CALCRL: variants seen among roughly 807,000 people sequenced by gnomAD.
The protein encoded by CALCRL is calcitonin receptor like receptor, also known as calcitonin gene-related peptide type 1 receptor.
A neutral mutation model predicts 60.4 loss-of-function variants in CALCRL; 27 were observed. The ratio of observed to expected loss-of-function variants is 0.45; its 90% confidence interval spans 0.33 to 0.62. The LOEUF (loss-of-function observed/expected upper bound fraction) is 0.62, where lower values mean the gene tolerates loss of function less well. Among genes scored for constraint, CALCRL ranks in the 20% least tolerant of loss-of-function variants. The pLI is 0.03. For missense variants in CALCRL, 424 were observed against 540.7 expected, an observed-to-expected ratio of 0.78 and a Z score of 2.14; for synonymous variants, 190 against 182.6, an observed-to-expected ratio of 1.04 and a Z score of -0.33.
At chr2:187,348,970 A>G (rs970670963) in intron 14 of CALCRL, among the ~76,000 whole-genome samples, 2 of 151,688 alleles carry the variant, frequency 1.3e-5, no homozygotes, top group Admixed American at 6.6e-5. Flanking sequence ...AAATGTTTAG[A>G]ATGTAACATT....
chr2:187,390,808 G>C (rs1350249702), intron 1 of CALCRL, among the ~76,000 whole-genome samples: 1 of 152,068 alleles, frequency 6.6e-6, no homozygotes, highest in Non-Finnish European at 1.5e-5. Context: ...TATGGCCCCT[G>C]GGTTTGTCAA....
chr2:187,370,364 T>C (rs1335541189), intron 8 of CALCRL, among the ~76,000 whole-genome samples: 2 of 152,162 alleles, frequency 1.3e-5, no homozygotes, highest in African/African-American at 4.8e-5. Flanking sequence ...AAAAATGTTA[T>C]TTATTTCTAT....
At chr2:187,379,304 T>C (rs923377926) in intron 7 of CALCRL, among the ~76,000 whole-genome samples, 11 of 152,076 alleles carry the variant, frequency 7.2e-5, no homozygotes, top group Non-Finnish European at 1.6e-4. Flanking sequence ...AAATATTAAA[T>C]CTATGAGGCA....
intron 8 of CALCRL, among the ~76,000 whole-genome samples, chr2:187,374,488 G>A (rs575156792): frequency 7.4e-4 from 112 of 152,082 alleles, no homozygotes; most frequent in Non-Finnish European, 1.4e-3. Flanking sequence ...CACTGCTTAT[G>A]GCTTATAATT....
intron 8 of CALCRL, among the ~76,000 whole-genome samples, chr2:187,376,432 G>A (rs1298113158): frequency 6.6e-6 from 1 of 152,002 alleles, no homozygotes; most frequent in Non-Finnish European, 1.5e-5. Context: ...TTCTTCACTT[G>A]ATAAGCTAAT....
intron 1 of CALCRL, chr2:187,415,650 CA>C: frequency 1.6e-6 from 1 of 618,610 alleles, no homozygotes; most frequent in South Asian, 1.6e-5. Flanking sequence ...AGGGCCCCCT[CA>C]AGGACATTCT....
At position 187,389,291 on chromosome 2, in the gene CALCRL, G is replaced by A. The variant is rs367594146; in HGVS notation, c.-292-1535C>T. Among the ~76,000 whole-genome samples the A allele has an allele frequency of 8.6e-5, 13 of 151,796 alleles. No homozygotes were observed. In the East Asian group the frequency reaches 2.3e-3, roughly 27 times the overall value. ...TTTCACCATGTTGGCCAGGCTGGTC[G>A]CAAACTCCTGAGCTCAGGTGATCCA... On this transcript the variant is annotated intron_variant, in intron 1 of 14. Coordinates refer to ENST00000392370, the MANE Select transcript of CALCRL (RefSeq NM_005795.6).
At chr2:187,443,171 CT>C (rs1691003977) in intron 1 of CALCRL, among the ~76,000 whole-genome samples, 1 of 151,750 alleles carries the variant, frequency 6.6e-6, no homozygotes, top group African/African-American at 2.4e-5. Flanking sequence ...ACTGTAACAA[CT>C]GTAATTATAA....
intron 1 of CALCRL, among the ~76,000 whole-genome samples, chr2:187,443,792 C>T (rs968916130): frequency 6.6e-6 from 1 of 151,538 alleles, no homozygotes; most frequent in Non-Finnish European, 1.5e-5. Context: ...ATTTATTGCT[C>T]TCTGATACTT....
At chr2:187,386,631 T>G (rs1369442923) in intron 3 of CALCRL, among the ~76,000 whole-genome samples, 1 of 152,064 alleles carries the variant, frequency 6.6e-6, no homozygotes, top group Non-Finnish European at 1.5e-5. Context: ...TGCTGGAGTG[T>G]TTTTCCAAAT....
chr2:187,411,978 C>CA (rs56075258), intron 1 of CALCRL, among the ~76,000 whole-genome samples: 17,529 of 60,700 alleles, frequency 0.29, 2,528 homozygotes, highest in East Asian at 0.41. Context: ...GACTCTGTCT[C>CA]AAAAAAAAAA....
At chr2:187,443,480 G>A (rs1691023314) in intron 1 of CALCRL, among the ~76,000 whole-genome samples, 1 of 151,708 alleles carries the variant, frequency 6.6e-6, no homozygotes, top group Non-Finnish European at 1.5e-5. Context: ...GGGTTCTTAT[G>A]TGGATGATCT....
At chr2:187,386,043 T>C (rs1274703165) in intron 3 of CALCRL, among the ~76,000 whole-genome samples, 1 of 152,058 alleles carries the variant, frequency 6.6e-6, no homozygotes, top group Non-Finnish European at 1.5e-5. Context: ...GTGTCAAATG[T>C]TTAAGAACAT....
chr2:187,375,065 G>A (rs1249767254), intron 8 of CALCRL, among the ~76,000 whole-genome samples: 2 of 151,634 alleles, frequency 1.3e-5, no homozygotes, highest in Non-Finnish European at 1.5e-5. Context: ...GAGGTCAGGA[G>A]ATCGAGACCA....
intron 1 of CALCRL, among the ~76,000 whole-genome samples, chr2:187,393,235 C>A (rs1489635883): frequency 5.3e-5 from 8 of 152,004 alleles, no homozygotes; most frequent in Non-Finnish European, 8.8e-5. Flanking sequence ...TGGAACAGAA[C>A]CTTTTGGAGA....
chr2:187,419,509 A>G (rs1198934900), intron 1 of CALCRL, among the ~76,000 whole-genome samples: 1 of 152,176 alleles, frequency 6.6e-6, no homozygotes, highest in Non-Finnish European at 1.5e-5. Flanking sequence ...CTTCTAGTCT[A>G]TGGCTTTCAT....
rs763385216 is a variant in CALCRL at position 187,363,514 on chromosome 2, GA to G, written c.501-13del. On this transcript the variant is annotated splice_polypyrimidine_tract_variant and intron_variant, in intron 8 of 14. Transcript: ENST00000392370. ...GGCAACTTAGGCTCCTAAAAAGCAA[GA>G]AAAACAAGTGTGTTGACATCATGAA... 1.4e-4 allele frequency: 217 copies of G among 1,582,424 alleles called. No individual in the cohort carries two copies. The highest frequency in any genetic ancestry group is 1.8e-4 in the Non-Finnish European group (210 of 1,166,386).
At chr2:187,368,000 A>G (rs1687369090) in intron 8 of CALCRL, among the ~76,000 whole-genome samples, 1 of 152,104 alleles carries the variant, frequency 6.6e-6, no homozygotes. Flanking sequence ...CAATTTTAGA[A>G]GTAAGTAGCG....
chr2:187,403,523 CAT>C (rs1328010195), intron 1 of CALCRL, among the ~76,000 whole-genome samples: 1 of 151,966 alleles, frequency 6.6e-6, no homozygotes, highest in Admixed American at 6.6e-5. Flanking sequence ...TGTGCTAAAA[CAT>C]GTATTGGAAT....
Sources: gnomAD v4.1 joint callset for allele counts (sites outside exome capture counted in the v4.1 genomes callset) on GRCh38, gnomAD v4.1.1 for gene constraint, MANE v1.5 for transcripts, NCBI Gene and HGNC (gene_info 2026-07-23, HGNC 2026-07-21) for gene names.